KLF12: variants seen among roughly 807,000 people sequenced by gnomAD.
KLF12 encodes Krueppel-like factor 12.
Under a neutral mutation model 37.8 loss-of-function variants are expected in KLF12, and 9 were observed. The observed-to-expected ratio is 0.24, with a 90% CI of 0.14 to 0.42. The LOEUF (loss-of-function observed/expected upper bound fraction) is 0.42, where lower values mean the gene tolerates loss of function less well. Ranked by LOEUF, KLF12 falls within the 10% of genes least tolerant of loss-of-function variation. The pLI is 1.00. For missense variants in KLF12, 411 were observed against 516.0 expected (o/e 0.80, Z 1.97); for synonymous variants, 208 against 202.1 (o/e 1.03, Z -0.25).
chr13:74,084,553 G>T (rs1161974801), intron 1 of KLF12, among the ~76,000 whole-genome samples: 1 of 152,178 alleles, frequency 6.6e-6, no homozygotes, highest in South Asian at 2.1e-4. Flanking sequence ...AGAATGTATT[G>T]AGTAGTTTGT....
rs1162537286 is a variant in KLF12, at chr13:74,133,795, CCT to C, written c.-90_-89del. 3.4e-5 allele frequency among the ~76,000 whole-genome samples: 5 copies of C among 146,124 alleles called. No homozygotes were observed. The highest frequency in any genetic ancestry group is 2.2e-4 in the South Asian group (1 of 4,520). Reference sequence around the variant, plus strand: ...TTTTCTTTCCCTCACACAGAGTCCCCCTCTCTCTCTCCCTTTCTCTCTCTCAC... The same window carrying C: ...TTTTCTTTCCCTCACACAGAGTCCCCCTCTCTCTCCCTTTCTCTCTCTCAC... On this transcript the variant is annotated 5_prime_UTR_variant, in exon 1 of 8. Coordinates refer to ENST00000377669, the MANE Select transcript of KLF12 (RefSeq NM_007249.5).
chr13:74,125,382 GC>G (rs1177569788), intron 1 of KLF12, among the ~76,000 whole-genome samples: 1 of 152,008 alleles, frequency 6.6e-6, no homozygotes, highest in African/African-American at 2.4e-5. Context: ...ATTATAATGT[GC>G]CACATAATTC....
Position 74,067,885 on chromosome 13 carries a change from C to T in KLF12, c.-32+65854G>A, listed in dbSNP as rs75505138. ...GTTTGTATTAAGCTCTTCTAGTTAC[C>T]AAAATGCCATGTAACAGAGATAAAA... is the stretch of plus-strand genomic sequence containing the variant. On this transcript the variant is annotated intron_variant, in intron 1 of 7. Transcript: ENST00000377669. Among the ~76,000 whole-genome samples the T allele has an allele frequency of 3.7e-4, 57 of 152,222 alleles. No individual in the cohort carries two copies. In the East Asian group the frequency reaches 0.011, roughly 29 times the overall value.
At position 73,743,616 on chromosome 13, in the gene KLF12, A is replaced by G. The variant is rs115284560; in HGVS notation, c.869+21322T>C. 6.0e-3 allele frequency among the ~76,000 whole-genome samples: 909 copies of G among 152,304 alleles called. 13 individuals are homozygous for G. The highest frequency in any genetic ancestry group is 0.021 in the African/African-American group (876 of 41,588). On this transcript the variant is annotated intron_variant, in intron 6 of 7. Transcript: ENST00000377669. ...AAGTTACAAGGAAACTTCTTTCAAA[A>G]TGGCTCCTAGAAAACCTCTGAAAAG...
intron 5 of KLF12, among the ~76,000 whole-genome samples, chr13:73,767,566 G>A (rs928090268): frequency 2.6e-5 from 4 of 152,308 alleles, no homozygotes; most frequent in African/African-American, 4.8e-5. Context: ...CAGTTTGTCA[G>A]GTAGAAATGC....
At position 73,692,599 on chromosome 13, in the gene KLF12, G is replaced by T. The variant is rs1313636631; in HGVS notation, c.*2891C>A. On this transcript the variant is annotated 3_prime_UTR_variant, in exon 8 of 8. Coordinates refer to ENST00000377669, the MANE Select transcript of KLF12 (RefSeq NM_007249.5). ...AAGAGGCTAGAAATGGACATGAGATGAAATGGAGGCTCTTCCATGACTGAA... is the reference window on the plus strand; with the variant it reads ...AAGAGGCTAGAAATGGACATGAGATTAAATGGAGGCTCTTCCATGACTGAA... 6.6e-6 allele frequency: 1 copy of T among 152,646 alleles called. No individual in the cohort carries two copies. Among genetic ancestry groups the T allele is most frequent in the Non-Finnish European group, 1.5e-5 (1 of 68,046 alleles). The allele number at this position is 152,646 out of a possible 1,614,324, so 9.5% of individuals were successfully genotyped here. A position where few individuals can be genotyped will look rare whatever the true frequency, so the allele number is the denominator to read the frequency against.
In KLF12 at chr13:73,813,190, A is replaced by T; in HGVS notation, c.768T>A (p.Thr256=). 2.5e-6 allele frequency: 4 copies of T among 1,614,042 alleles called. No homozygotes were observed. Among genetic ancestry groups the T allele is most frequent in the Non-Finnish European group, 3.4e-6 (4 of 1,179,944 alleles). Residue 256 remains threonine, a synonymous_variant, in exon 5 of 8, where the codon ACT becomes ACA. Coordinates refer to ENST00000377669, the MANE Select transcript of KLF12 (RefSeq NM_007249.5). The stretch of plus-strand genomic sequence containing the variant: ...TGGCTATGGAAAGGGCCGTAGATCC[A>T]GTTTCATTAACGCTATCTAAGGTCA...
intron 1 of KLF12, among the ~76,000 whole-genome samples, chr13:74,027,715 G>A (rs1893012678): frequency 6.6e-6 from 1 of 152,168 alleles, no homozygotes; most frequent in South Asian, 2.1e-4. Context: ...GAATCTACAA[G>A]ATGGAAATAC....
rs531350391 is a variant in KLF12, at chr13:74,110,900, T to C, written c.-32+22839A>G. 2.6e-5 allele frequency among the ~76,000 whole-genome samples: 4 copies of C among 152,224 alleles called. No individual in the cohort carries two copies. In the South Asian group the frequency reaches 8.3e-4, roughly 32 times the overall value. Reference sequence around the variant, plus strand: ...GTATTTGAAATTGACTTCAATAATATAAGTTACATTGGAAGGCTGAGGTGG... The same window carrying C: ...GTATTTGAAATTGACTTCAATAATACAAGTTACATTGGAAGGCTGAGGTGG... On this transcript the variant is annotated intron_variant, in intron 1 of 7. Coordinates refer to ENST00000377669, the MANE Select transcript of KLF12 (RefSeq NM_007249.5).
upstream of KLF12, among the ~76,000 whole-genome samples, chr13:74,137,737 CT>C (rs1360443870): frequency 1.3e-5 from 2 of 151,930 alleles, no homozygotes; most frequent in South Asian, 2.1e-4. Context: ...TTAGAAAAAT[CT>C]TTTTTTATTT....
chr13:74,226,608 C>T, the KLF12 span, among the ~76,000 whole-genome samples: 1 of 152,114 alleles, frequency 6.6e-6, no homozygotes. Context: ...ATCAACCCAA[C>T]CCATATCCTA....
At chr13:74,020,834 T>G (rs946090950) in intron 1 of KLF12, among the ~76,000 whole-genome samples, 1 of 148,024 alleles carries the variant, frequency 6.8e-6, no homozygotes, top group African/African-American at 2.5e-5. Context: ...GAGCTTGCAG[T>G]GAGTGAAGAT....
At chr13:74,274,693 T>G in the KLF12 span, among the ~76,000 whole-genome samples, 1 of 152,102 alleles carries the variant, frequency 6.6e-6, no homozygotes, top group Non-Finnish European at 1.5e-5. Flanking sequence ...TTCTTTTTTT[T>G]TTTATAATTG....
intron 7 of KLF12, among the ~76,000 whole-genome samples, chr13:73,702,986 C>G (rs1031187733): frequency 5.9e-5 from 9 of 152,098 alleles, no homozygotes; most frequent in African/African-American, 2.2e-4. Flanking sequence ...TCATAGTTTA[C>G]GGCAGCATAC....
chr13:73,732,086 T>A (rs1032717358), intron 6 of KLF12, among the ~76,000 whole-genome samples: 4 of 126,540 alleles, frequency 3.2e-5, no homozygotes, highest in African/African-American at 9.5e-5. Context: ...TAACCCTATT[T>A]TTTTTTTTTT....
chr13:73,885,694 T>C (rs551409570), intron 3 of KLF12, among the ~76,000 whole-genome samples: 2 of 152,240 alleles, frequency 1.3e-5, no homozygotes, highest in East Asian at 1.9e-4. Flanking sequence ...CCACAAGCTA[T>C]AAATGAAGAA....
At chr13:74,148,047 G>A in the KLF12 span, among the ~76,000 whole-genome samples, 8 of 152,052 alleles carry the variant, frequency 5.3e-5, no homozygotes, top group East Asian at 9.7e-4. Flanking sequence ...AAGTAGCTGG[G>A]ATTACAGGCA....
intron 3 of KLF12, among the ~76,000 whole-genome samples, chr13:73,900,631 T>A (rs569985714): frequency 4.6e-4 from 68 of 147,996 alleles, no homozygotes; most frequent in Non-Finnish European, 8.3e-4. Flanking sequence ...TTCTCTCATT[T>A]AAAAAAAAAA....
rs4883946 is a variant in KLF12, at chr13:73,689,249, G to A, written c.*6241C>T. On this transcript the variant is annotated 3_prime_UTR_variant, in exon 8 of 8. Coordinates refer to ENST00000377669, the MANE Select transcript of KLF12 (RefSeq NM_007249.5). ...TACCCCCTTATCCTGGTACATTTCC[G>A]TCTCCCTTTTCTTCTTTCTAACATT... 2.6e-5 allele frequency: 4 copies of A among 152,102 alleles called. No homozygotes were observed. Among genetic ancestry groups the A allele is most frequent in the South Asian group, 4.2e-4 (2 of 4,818 alleles). 9.4% of individuals were successfully genotyped at this position (152,102 alleles called of 1,614,324 possible).
Sources: allele counts gnomAD v4.1 joint callset (sites outside exome capture counted in the v4.1 genomes callset), GRCh38; gene constraint gnomAD v4.1.1; transcripts MANE v1.5; gene names NCBI Gene and HGNC (gene_info 2026-07-23, HGNC 2026-07-21).